Variants in FAT3 observed in about 807,000 individuals in gnomAD.
FAT3 encodes FAT atypical cadherin 3.
FAT3 carries 95 observed loss-of-function variants against 310.2 expected under a neutral mutation model. The observed-to-expected ratio is 0.31, with a 90% CI of 0.26 to 0.36. The LOEUF is 0.36. Among genes scored for constraint, FAT3 ranks in the 10% least tolerant of loss-of-function variants. The probability of loss-of-function intolerance (pLI) is 1.00; values close to 1 mark genes in which losing one functional copy is unlikely to be tolerated. For synonymous variants in FAT3, 2,314 were observed against 2,192.9 expected (o/e 1.06, Z -1.54); for missense variants, 5,408 against 5,715.6 (o/e 0.95, Z 1.74).
chr11:92,440,994 T>C (rs951362507), intron 2 of FAT3, among the ~76,000 whole-genome samples: 1 of 152,208 alleles, frequency 6.6e-6, no homozygotes, highest in African/African-American at 2.4e-5. Flanking sequence ...GCAATTCCTG[T>C]GAGTTCAAAG....
chr11:92,567,308 G>A (rs1949571291), intron 3 of FAT3, among the ~76,000 whole-genome samples: 1 of 146,234 alleles, frequency 6.8e-6, no homozygotes, highest in South Asian at 2.2e-4. Flanking sequence ...CTGGCCATCA[G>A]AGAAATGCAA....
chr11:92,851,914 G>A (rs977350861), intron 19 of FAT3, among the ~76,000 whole-genome samples: 4 of 152,160 alleles, frequency 2.6e-5, no homozygotes, highest in Non-Finnish European at 4.4e-5. Context: ...CCAGAGAGGG[G>A]GTCTTTAAGG....
intron 2 of FAT3, among the ~76,000 whole-genome samples, chr11:92,394,168 T>G (rs1949808135): frequency 6.6e-6 from 1 of 152,176 alleles, no homozygotes. Context: ...ACTGATAGAT[T>G]ATAAAAATTA....
intron 13 of FAT3, among the ~76,000 whole-genome samples, chr11:92,823,016 C>G (rs1311635477): frequency 6.6e-6 from 1 of 152,168 alleles, no homozygotes; most frequent in Admixed American, 6.5e-5. Flanking sequence ...CTCTGAGAAA[C>G]TTCCCTTGAC....
intron 13 of FAT3, among the ~76,000 whole-genome samples, chr11:92,812,306 C>A (rs1046640543): frequency 6.6e-6 from 1 of 152,146 alleles, no homozygotes; most frequent in East Asian, 1.9e-4. Context: ...GCACACAAAT[C>A]TGGCTTTCTA....
chr11:92,768,797 T>C (rs1946386972), intron 6 of FAT3, among the ~76,000 whole-genome samples: 1 of 152,178 alleles, frequency 6.6e-6, no homozygotes, highest in Non-Finnish European at 1.5e-5. Context: ...GTATGGGCCT[T>C]GCCTAGGTAA....
At chr11:92,447,470 C>T (rs774964969) in intron 2 of FAT3, among the ~76,000 whole-genome samples, 10 of 151,942 alleles carry the variant, frequency 6.6e-5, no homozygotes, top group South Asian at 4.2e-4. Context: ...CATCCTGGCC[C>T]GCTGAATGTG....
chr11:92,283,078 C>T (rs1946472008), intron 1 of FAT3, among the ~76,000 whole-genome samples: 1 of 152,116 alleles, frequency 6.6e-6, no homozygotes, highest in South Asian at 2.1e-4. Flanking sequence ...ATCCCCAAAG[C>T]CTATGACTGT....
chr11:92,449,969 A>G (rs1025864133), intron 2 of FAT3, among the ~76,000 whole-genome samples: 5 of 152,168 alleles, frequency 3.3e-5, no homozygotes, highest in African/African-American at 1.2e-4. Flanking sequence ...ACCATGGCCA[A>G]CCATTGAACT....
At chr11:92,523,846 C>G (rs1032136540) in intron 2 of FAT3, among the ~76,000 whole-genome samples, 5 of 152,182 alleles carry the variant, frequency 3.3e-5, no homozygotes, top group African/African-American at 1.2e-4. Context: ...GCTTTTTAGG[C>G]AGACATCTGA....
In FAT3 at chr11:92,448,606, G is replaced by T. The variant is rs529478656; in HGVS notation, c.3293-76028G>T. ...GAGCATGAATTAGTTTTTAGAAAAG[G>T]TGTTTGCTCAGGATTCAAATAGCAT... On this transcript the variant is annotated intron_variant, in intron 2 of 27. Coordinates refer to ENST00000525166, the MANE Select transcript of FAT3 (RefSeq NM_001367949.2). Among the ~76,000 whole-genome samples, 269 of 152,268 alleles carry T rather than the reference G, an allele frequency of 1.8e-3. 2 individuals carry two copies. In the South Asian group the frequency reaches 0.018, roughly 10 times the overall value.
chr11:92,448,878 A>G (rs1951284231), intron 2 of FAT3, among the ~76,000 whole-genome samples: 1 of 152,184 alleles, frequency 6.6e-6, no homozygotes, highest in Non-Finnish European at 1.5e-5. Flanking sequence ...GCTATTCTAG[A>G]ATATGCTACA....
At chr11:92,235,229 G>A (rs975589466) in intron 1 of FAT3, among the ~76,000 whole-genome samples, 3 of 152,164 alleles carry the variant, frequency 2.0e-5, no homozygotes, top group East Asian at 3.9e-4. Context: ...GTCTTCTGCA[G>A]CCCCTCTGCC....
chr11:92,733,489 G>T (rs529619445), intron 4 of FAT3, among the ~76,000 whole-genome samples: 1 of 151,980 alleles, frequency 6.6e-6, no homozygotes, highest in African/African-American at 2.4e-5. Flanking sequence ...CCAGATATGA[G>T]ATTGTGACTT....
At chr11:92,560,246 C>A (rs530073485) in intron 3 of FAT3, among the ~76,000 whole-genome samples, 1 of 152,212 alleles carries the variant, frequency 6.6e-6, no homozygotes, top group East Asian at 1.9e-4. Context: ...ATTGGTATGT[C>A]TTCTTTGGAG....
chr11:92,570,624 G>A (rs755955408), intron 3 of FAT3, among the ~76,000 whole-genome samples: 10 of 152,124 alleles, frequency 6.6e-5, no homozygotes, highest in Non-Finnish European at 1.2e-4. Flanking sequence ...GGGTATTTAT[G>A]TGCAGATAAT....
chr11:92,463,107 A>T (rs1951675735), intron 2 of FAT3, among the ~76,000 whole-genome samples: 3 of 152,244 alleles, frequency 2.0e-5, no homozygotes, highest in African/African-American at 7.2e-5. Context: ...GAAGCATGCT[A>T]GAGTGAGAAG....
At chr11:92,619,529 T>C (rs368938212) in intron 3 of FAT3, among the ~76,000 whole-genome samples, 2 of 152,286 alleles carry the variant, frequency 1.3e-5, no homozygotes, top group East Asian at 3.9e-4. Flanking sequence ...CTTTTAATTA[T>C]TAATTCATTC....
At chr11:92,881,924 T>C (rs1466220943) in intron 23 of FAT3, among the ~76,000 whole-genome samples, 1 of 152,198 alleles carries the variant, frequency 6.6e-6, no homozygotes, top group African/African-American at 2.4e-5. Context: ...CACAGAATGT[T>C]GAAGACATGT....
Sources: gnomAD v4.1 joint callset for allele counts (sites outside exome capture counted in the v4.1 genomes callset) on GRCh38, gnomAD v4.1.1 for gene constraint, MANE v1.5 for transcripts, NCBI Gene and HGNC (gene_info 2026-07-23, HGNC 2026-07-21) for gene names.